The following ZFYVE9 variants were observed in gnomAD, a reference collection of about 807,000 sequenced individuals.
ZFYVE9 encodes the protein zinc finger FYVE-type containing 9.
Under a neutral mutation model 126.7 loss-of-function variants are expected in ZFYVE9, and 43 were observed. That is an observed-to-expected ratio of 0.34 (90% CI 0.27 to 0.44). The LOEUF (loss-of-function observed/expected upper bound fraction) is 0.44, where lower values mean the gene tolerates loss of function less well. Among genes scored for constraint, ZFYVE9 ranks in the 20% least tolerant of loss-of-function variants. The pLI is 1.00. For missense variants in ZFYVE9, 1,476 were observed against 1,697.0 expected (o/e 0.87, Z 2.29); for synonymous variants, 521 against 597.4 (o/e 0.87, Z 1.87).
intron 4 of ZFYVE9, among the ~76,000 whole-genome samples, chr1:52,254,978 G>C (rs1332343656): frequency 1.3e-5 from 2 of 151,950 alleles, no homozygotes; most frequent in East Asian, 3.9e-4. Flanking sequence ...TGTAGTCCCA[G>C]CTACTTGGGA....
chr1:52,268,589 A>G lies in ZFYVE9; in HGVS notation c.2582A>G (p.His861Arg), dbSNP rs780577570. ...TCTGCAGGAACCCTGGCTGTGTCACACGACCCAGTCAAGCCAGTAACTACC... is the reference window on the plus strand; with the variant it reads ...TCTGCAGGAACCCTGGCTGTGTCACGCGACCCAGTCAAGCCAGTAACTACC... ...TSSAGTLAVSHDPVKPVTTSP... is the reference protein window; with the variant it reads ...TSSAGTLAVSRDPVKPVTTSP... The change falls in exon 7 of 19, where the codon CAC (histidine) becomes CGC (arginine). Residue 861 changes from histidine (H) to arginine (R), a missense_variant. By Grantham distance (29) the His-to-Arg change is conservative. Around this residue, in one of 2 missense-constraint regions of ZFYVE9, gnomAD observed 669 missense variants for 902.4 expected, o/e 0.74. Coordinates refer to ENST00000287727, the MANE Select transcript of ZFYVE9 (RefSeq NM_004799.4). 1.9e-6 allele frequency: 3 copies of G among 1,614,156 alleles called. No individual in the cohort carries two copies. The highest frequency in any genetic ancestry group is 4.5e-5 in the East Asian group (2 of 44,882).
At chr1:52,194,741 C>T (rs999075462) in intron 1 of ZFYVE9, among the ~76,000 whole-genome samples, 20 of 151,818 alleles carry the variant, frequency 1.3e-4, no homozygotes, top group Admixed American at 1.1e-3. Flanking sequence ...ATTTATTGCA[C>T]GTTAAAGGGT....
At chr1:52,316,207 C>T (rs1399837306) in intron 13 of ZFYVE9, among the ~76,000 whole-genome samples, 1 of 143,346 alleles carries the variant, frequency 7.0e-6, no homozygotes, top group Non-Finnish European at 1.5e-5. Flanking sequence ...AAACCACAGC[C>T]GGGTGCAGTG....
At chr1:52,249,555 A>C (rs1052192905) in intron 4 of ZFYVE9, among the ~76,000 whole-genome samples, 4 of 152,076 alleles carry the variant, frequency 2.6e-5, no homozygotes, top group Admixed American at 1.3e-4. Context: ...CACATAAATG[A>C]TTTGCAGATA....
Position 52,152,049 on chromosome 1 carries a change from G to A in ZFYVE9, c.-143+9646G>A, listed in dbSNP as rs138959009. On this transcript the variant is annotated intron_variant, in intron 1 of 18. Coordinates refer to ENST00000287727, the MANE Select transcript of ZFYVE9 (RefSeq NM_004799.4). Reference sequence around the variant, plus strand: ...TTGTTACCCAGGCTGGAGTGCAGTGGCACCATCTTGGTTAACTGCAACCTC... The same window carrying A: ...TTGTTACCCAGGCTGGAGTGCAGTGACACCATCTTGGTTAACTGCAACCTC... 6.5e-3 allele frequency among the ~76,000 whole-genome samples: 994 copies of A among 152,094 alleles called. 11 individuals are homozygous for A. The highest frequency in any genetic ancestry group is 0.023 in the African/African-American group (952 of 41,504).
At chr1:52,208,012 G>A (rs1453390633) in intron 1 of ZFYVE9, among the ~76,000 whole-genome samples, 1 of 152,156 alleles carries the variant, frequency 6.6e-6, no homozygotes, top group Non-Finnish European at 1.5e-5. Flanking sequence ...GCTCAAAGTA[G>A]CAACAGCTAT....
intron 12 of ZFYVE9, among the ~76,000 whole-genome samples, chr1:52,301,398 C>T (rs1410245582): frequency 6.9e-6 from 1 of 145,172 alleles, no homozygotes; most frequent in East Asian, 2.1e-4. Context: ...ACCCACAGGG[C>T]TCAGGTGATC....
intron 10 of ZFYVE9, among the ~76,000 whole-genome samples, chr1:52,286,803 C>G (rs1021083801): frequency 3.3e-5 from 5 of 152,194 alleles, no homozygotes; most frequent in African/African-American, 1.2e-4. Flanking sequence ...TCTGCATGAT[C>G]TGTTCCTATA....
At chr1:52,327,992 A>AAC (rs1442637753) in intron 13 of ZFYVE9, among the ~76,000 whole-genome samples, 1 of 151,708 alleles carries the variant, frequency 6.6e-6, no homozygotes, top group African/African-American at 2.4e-5. Flanking sequence ...AAAAAAAAAA[A>AAC]CCCAAAAAGA....
At chr1:52,187,133 A>G (rs1557445590) in intron 1 of ZFYVE9, among the ~76,000 whole-genome samples, 1 of 152,162 alleles carries the variant, frequency 6.6e-6, no homozygotes, top group Non-Finnish European at 1.5e-5. Flanking sequence ...AAACCAATGG[A>G]ACAGAATAGA....
rs1644474639 is a variant in ZFYVE9 at position 52,162,771 on chromosome 1, C to G, written c.-143+20368C>G. The G allele has an allele frequency of 9.1e-6, 3 of 329,542 alleles. No homozygotes were observed. The South Asian group carries it at 1.4e-4, about 15-fold the overall frequency. 20.4% of individuals were successfully genotyped at this position (329,542 alleles called of 1,614,324 possible). A position where few individuals can be genotyped will look rare whatever the true frequency, so the allele number is the denominator to read the frequency against. Reference sequence around the variant, plus strand: ...CTGCCAGTATTCTGGTGTATATGAGCTACTTCGTCTCCTGTGAGAGTGGTA... The same window carrying G: ...CTGCCAGTATTCTGGTGTATATGAGGTACTTCGTCTCCTGTGAGAGTGGTA... On this transcript the variant is annotated intron_variant, in intron 1 of 18. Transcript: ENST00000287727.
intron 12 of ZFYVE9, among the ~76,000 whole-genome samples, chr1:52,298,617 C>T (rs986746533): frequency 1.3e-5 from 2 of 151,262 alleles, no homozygotes; most frequent in Admixed American, 6.6e-5. Context: ...ACTGTTTTGG[C>T]CATTTGAGGC....
intron 1 of ZFYVE9, among the ~76,000 whole-genome samples, chr1:52,215,423 T>C (rs1645063267): frequency 6.6e-6 from 1 of 152,214 alleles, no homozygotes; most frequent in Non-Finnish European, 1.5e-5. Context: ...ATTTTAGGCC[T>C]TTTACTTATT....
chr1:52,279,501 T>C (rs1645780946), intron 9 of ZFYVE9, among the ~76,000 whole-genome samples: 1 of 152,002 alleles, frequency 6.6e-6, no homozygotes, highest in African/African-American at 2.4e-5. Flanking sequence ...TCTCACTCTG[T>C]CACCCAGGCT....
chr1:52,338,395 C>T (rs1646407596), intron 16 of ZFYVE9, among the ~76,000 whole-genome samples: 3 of 152,208 alleles, frequency 2.0e-5, no homozygotes, highest in South Asian at 2.1e-4. Flanking sequence ...ACTCTGTATT[C>T]TTTCTCAGTG....
chr1:52,283,482 G>C (rs547980138), intron 10 of ZFYVE9, among the ~76,000 whole-genome samples: 1 of 152,240 alleles, frequency 6.6e-6, no homozygotes, highest in African/African-American at 2.4e-5. Flanking sequence ...GCAATTTCAG[G>C]ATAAGCAAAT....
Position 52,346,473 on chromosome 1 carries a change from T to TTA in ZFYVE9, c.*252_*253insTA. On this transcript the variant is annotated 3_prime_UTR_variant, in exon 19 of 19. Transcript: ENST00000287727. ...AGCTTCTGTTCCTGCACAACAGTTA[T>TTA]GCTATCCTTGCAGCTAATCCCCTTC... 1 of 430,640 alleles carries TTA rather than the reference T, an allele frequency of 2.3e-6. No homozygotes were observed. The highest frequency in any genetic ancestry group is 2.0e-5 in the African/African-American group (1 of 50,270). 26.7% of individuals were successfully genotyped at this position (430,640 alleles called of 1,614,324 possible). A position where few individuals can be genotyped will look rare whatever the true frequency, so the allele number is the denominator to read the frequency against.
At chr1:52,221,819 C>T (rs1361362683) in intron 2 of ZFYVE9, among the ~76,000 whole-genome samples, 2 of 152,198 alleles carry the variant, frequency 1.3e-5, no homozygotes, top group Non-Finnish European at 2.9e-5. Context: ...TTTATTTCTT[C>T]TACCTGTTGG....
chr1:52,332,976 G>T lies in ZFYVE9; in HGVS notation c.3589+58G>T, dbSNP rs1052429246. 7 of 1,601,264 alleles carry T rather than the reference G, an allele frequency of 4.4e-6. No homozygotes were observed. The East Asian group carries it at 6.7e-5, about 15-fold the overall frequency. Reference sequence around the variant, plus strand: ...TGGAAAATTATACTGGACTTGGACAGTTAGATACCTCAGTCCCGTAACACT... The same window carrying T: ...TGGAAAATTATACTGGACTTGGACATTTAGATACCTCAGTCCCGTAACACT... On this transcript the variant is annotated intron_variant, in intron 14 of 18. Transcript: ENST00000287727.
Sources: allele counts gnomAD v4.1 joint callset (sites outside exome capture counted in the v4.1 genomes callset), GRCh38; gene constraint gnomAD v4.1.1; regional missense constraint gnomAD v4.1.1; transcripts MANE v1.5; gene names NCBI Gene and HGNC (gene_info 2026-07-23, HGNC 2026-07-21).